DNAJC6: variants seen among roughly 807,000 people sequenced by gnomAD.
DNAJC6 encodes the protein auxilin.
A neutral mutation model predicts 110.0 loss-of-function variants in DNAJC6; 34 were observed. That is an observed-to-expected ratio of 0.31 (90% CI 0.24 to 0.41). DNAJC6 has a LOEUF of 0.41. Ranked by LOEUF, DNAJC6 falls within the 10% of genes least tolerant of loss-of-function variation. The probability of loss-of-function intolerance (pLI) is 1.00; values close to 1 mark genes in which losing one functional copy is unlikely to be tolerated. For synonymous variants in DNAJC6, 406 were observed against 437.2 expected, an observed-to-expected ratio of 0.93 and a Z score of 0.89; for missense variants, 1,031 against 1,207.8, an observed-to-expected ratio of 0.85 and a Z score of 2.17.
At chr1:65,267,855 C>T (rs1354283070) in intron 1 of DNAJC6, among the ~76,000 whole-genome samples, 2 of 149,876 alleles carry the variant, frequency 1.3e-5, no homozygotes, top group Non-Finnish European at 3.0e-5. Flanking sequence ...TATGTGTTGA[C>T]AGAGACCAGA....
At chr1:65,276,846 G>T (rs1653690043) in intron 1 of DNAJC6, among the ~76,000 whole-genome samples, 1 of 152,134 alleles carries the variant, frequency 6.6e-6, no homozygotes, top group African/African-American at 2.4e-5. Flanking sequence ...CTAAAATTCT[G>T]CAGGCTTCTC....
At chr1:65,382,573 AT>A (rs1645831802) in intron 5 of DNAJC6, among the ~76,000 whole-genome samples, 1 of 152,238 alleles carries the variant, frequency 6.6e-6, no homozygotes, top group South Asian at 2.1e-4. Context: ...AAAGTCCTGA[AT>A]TCTGGTTTTA....
chr1:65,340,289 A>G lies in DNAJC6; in HGVS notation c.194-24346A>G, dbSNP rs1308628624. 3.3e-5 allele frequency among the ~76,000 whole-genome samples: 5 copies of G among 152,186 alleles called. No homozygotes were observed. The East Asian group carries it at 7.7e-4, about 23-fold the overall frequency. On this transcript the variant is annotated intron_variant, in intron 1 of 18. Coordinates refer to ENST00000371069, the MANE Select transcript of DNAJC6 (RefSeq NM_001256864.2). ...TCCACTGTTGTGCTGGCCACATTGT[A>G]TTTGGTGAGTCCAGGCTCCTGCTCT... is the stretch of plus-strand genomic sequence containing the variant.
At chr1:65,292,562 C>A (rs1030109153) in intron 1 of DNAJC6, among the ~76,000 whole-genome samples, 1 of 151,876 alleles carries the variant, frequency 6.6e-6, no homozygotes, top group Non-Finnish European at 1.5e-5. Flanking sequence ...TCCTGAGTGG[C>A]TGGGACCACA....
intron 12 of DNAJC6, among the ~76,000 whole-genome samples, chr1:65,393,509 T>C (rs1221799989): frequency 6.6e-6 from 1 of 152,210 alleles, no homozygotes; most frequent in African/African-American, 2.4e-5. Context: ...AAGTGACTCA[T>C]GCCGGAAGCA....
In DNAJC6 at chr1:65,392,644, G is replaced by C. The variant is rs1645939402; in HGVS notation, c.1682G>C (p.Gly561Ala). ...PEDVDLLGLE[G>A]SAMSNSFSPP... is the part of the protein sequence containing the mutation. ...GATGTGGACCTTTTGGGCCTGGAAG[G>C]GTCTGCAATGAGTAACAGCTTCTCT... Residue 561 changes from glycine to alanine, a missense_variant, in exon 12 of 19, where the codon GGG becomes GCG. Coordinates refer to ENST00000371069, the MANE Select transcript of DNAJC6 (RefSeq NM_001256864.2). The C allele has an allele frequency of 2.5e-6, 4 of 1,613,376 alleles. No individual in the cohort carries two copies. The highest frequency in any genetic ancestry group is 1.7e-6 in the Non-Finnish European group (2 of 1,179,760).
chr1:65,312,364 G>A (rs1438583702), intron 1 of DNAJC6, among the ~76,000 whole-genome samples: 2 of 152,180 alleles, frequency 1.3e-5, no homozygotes, highest in Non-Finnish European at 2.9e-5. Flanking sequence ...TCTTTTACTA[G>A]TACAACTATA....
intron 15 of DNAJC6, among the ~76,000 whole-genome samples, chr1:65,402,909 A>C (rs554344187): frequency 2.0e-4 from 31 of 152,316 alleles, no homozygotes; most frequent in African/African-American, 7.2e-4. Context: ...TATCAGATGA[A>C]ATTTTACTTC....
Position 65,392,605 on chromosome 1 carries a change from C to T in DNAJC6, c.1643C>T (p.Pro548Leu), listed in dbSNP as rs761261678. 2.3e-5 allele frequency: 37 copies of T among 1,613,960 alleles called. No individual in the cohort carries two copies. The highest frequency in any genetic ancestry group is 2.2e-4 in the Admixed American group (13 of 60,002). ...AAAAAGCAGCAGGAGCCAGCAGCCC[C>T]TCCACCCCCTGAGGATGTGGACCTT... ...PSKKQQEPAA[P>L]PPPEDVDLLG... The change falls in exon 12 of 19, where the codon CCT becomes CTT. Residue 548 changes from proline to leucine, a missense_variant. Transcript: ENST00000371069.
intron 1 of DNAJC6, among the ~76,000 whole-genome samples, chr1:65,281,255 G>A (rs1366229073): frequency 6.6e-6 from 1 of 152,114 alleles, no homozygotes; most frequent in Non-Finnish European, 1.5e-5. Context: ...TGAAATCTCA[G>A]TGGACTTTTT....
intron 1 of DNAJC6, among the ~76,000 whole-genome samples, chr1:65,358,288 A>G (rs2101538984): frequency 6.6e-6 from 1 of 152,262 alleles, no homozygotes; most frequent in East Asian, 1.9e-4. Context: ...CCCAGATATA[A>G]TTAAATATAA....
chr1:65,338,994 T>C (rs1231298389), intron 1 of DNAJC6, among the ~76,000 whole-genome samples: 1 of 152,214 alleles, frequency 6.6e-6, no homozygotes, highest in South Asian at 2.1e-4. Flanking sequence ...CTGCGTCACA[T>C]TATCCTTCCC....
chr1:65,363,019 C>A (rs1645612649), intron 1 of DNAJC6, among the ~76,000 whole-genome samples: 1 of 152,176 alleles, frequency 6.6e-6, no homozygotes, highest in South Asian at 2.1e-4. Flanking sequence ...AGGAAACTTA[C>A]AACCATGACA....
At chr1:65,301,228 A>G (rs558870452) in intron 1 of DNAJC6, among the ~76,000 whole-genome samples, 21 of 152,200 alleles carry the variant, frequency 1.4e-4, no homozygotes, top group Non-Finnish European at 2.9e-4. Flanking sequence ...ATGTAGGTGT[A>G]TCTGTGTGTG....
Position 65,405,874 on chromosome 1 carries a change from T to G in DNAJC6, c.2232T>G (p.Ser744Arg). The change falls in exon 16 of 19, where the codon AGT becomes AGG. Residue 744 changes from serine (S) to arginine (R), a missense_variant. By Grantham distance (110) the Ser-to-Arg change is moderately radical (BLOSUM62 -1). Coordinates refer to ENST00000371069, the MANE Select transcript of DNAJC6 (RefSeq NM_001256864.2). ...DPFADLGTLG[S>R]SSFASKPTTP... ...TTTATCTCTTTTTTTCTTTAGGTAG[T>G]TCTTCCTTTGCCAGCAAACCCACCA... 6.3e-7 allele frequency: 1 copy of G among 1,599,608 alleles called. No homozygotes were observed. The highest frequency in any genetic ancestry group is 8.5e-7 in the Non-Finnish European group (1 of 1,172,272).
rs755098010 is a variant in DNAJC6 at position 65,384,277 on chromosome 1, T to C, written c.751T>C (p.Leu251=). The C allele has an allele frequency of 5.0e-6, 8 of 1,589,074 alleles. No homozygotes were observed. The highest frequency in any genetic ancestry group is 6.8e-6 in the Non-Finnish European group (8 of 1,169,500). The change falls in exon 6 of 19, where the codon TTG becomes CTG. Residue 251 remains leucine, a synonymous_variant. Transcript: ENST00000371069. ...LYSTPGPAIR[L]LYAKRPGIGL... ...CTCTACTCCTGGCCCAGCCATTCGA[T>C]TGCTATATGCAAAGCGACCAGGAAT... is the stretch of plus-strand genomic sequence containing the variant.
At chr1:65,381,118 C>T (rs1185592482) in intron 5 of DNAJC6, among the ~76,000 whole-genome samples, 1 of 151,404 alleles carries the variant, frequency 6.6e-6, no homozygotes, top group Non-Finnish European at 1.5e-5. Context: ...GGGTTTTCAC[C>T]ATGTTGGCCA....
At chr1:65,277,106 C>T (rs769438519) in intron 1 of DNAJC6, among the ~76,000 whole-genome samples, 18 of 152,124 alleles carry the variant, frequency 1.2e-4, no homozygotes, top group Admixed American at 9.2e-4. Context: ...CTACAACCTA[C>T]TCTATTAAAG....
intron 1 of DNAJC6, among the ~76,000 whole-genome samples, chr1:65,363,706 C>A (rs1645619078): frequency 6.6e-6 from 1 of 152,096 alleles, no homozygotes; most frequent in Non-Finnish European, 1.5e-5. Context: ...GAATGCTACT[C>A]AACACCTTGC....
Sources: allele counts gnomAD v4.1 joint callset (sites outside exome capture counted in the v4.1 genomes callset), GRCh38; gene constraint gnomAD v4.1.1; transcripts MANE v1.5; gene names NCBI Gene and HGNC (gene_info 2026-07-23, HGNC 2026-07-21).